The following ME3 variants were observed in gnomAD, a reference collection of about 807,000 sequenced individuals.
ME3 encodes NADP-dependent malic enzyme, mitochondrial.
In ME3, 48 loss-of-function variants were observed where a neutral mutation model predicts 68.9. That is an observed-to-expected ratio of 0.70 (90% CI 0.55 to 0.89). The LOEUF (loss-of-function observed/expected upper bound fraction) is 0.89. Ranked by LOEUF, ME3 falls within the 40% of genes least tolerant of loss-of-function variation. The pLI is 0.00. For synonymous variants in ME3, 320 were observed against 318.8 expected, an observed-to-expected ratio of 1.00 and a Z score of -0.04; for missense variants, 675 against 797.4, an observed-to-expected ratio of 0.85 and a Z score of 1.85.
intron 4 of ME3, among the ~76,000 whole-genome samples, chr11:86,538,744 T>G (rs929385643): frequency 6.6e-6 from 1 of 152,124 alleles, no homozygotes; most frequent in African/African-American, 2.4e-5. Context: ...CCTCAAAACT[T>G]GCTTTGAAAT....
At chr11:86,464,087 T>TGAAGAAGTGAGTTGTGAA (rs753421647) in intron 8 of ME3, 23 of 450,588 alleles carry the variant, frequency 5.1e-5, no homozygotes, top group Non-Finnish European at 9.3e-5. Context: ...CTGACTCACT[T>TGAAGAAGTGAGTTGTGAA]GAAGAAAAGT....
At chr11:86,557,583 G>A (rs912435377) in intron 3 of ME3, among the ~76,000 whole-genome samples, 1 of 152,162 alleles carries the variant, frequency 6.6e-6, no homozygotes, top group African/African-American at 2.4e-5. Flanking sequence ...TTTATTAGCT[G>A]TGTGAACTTG....
intron 6 of ME3, among the ~76,000 whole-genome samples, chr11:86,492,675 C>G (rs898606816): frequency 6.6e-6 from 1 of 152,212 alleles, no homozygotes; most frequent in African/African-American, 2.4e-5. Flanking sequence ...GCAGAACTTT[C>G]TCCTCTGCTG....
In ME3 at chr11:86,639,914, G is replaced by A. The variant is rs77228431; in HGVS notation, c.183+31848C>T. Among the ~76,000 whole-genome samples, 36 of 152,340 alleles carry A rather than the reference G, an allele frequency of 2.4e-4. 1 individual carries two copies. Among genetic ancestry groups the A allele is most frequent in the African/African-American group, 7.2e-4 (30 of 41,582 alleles). ...GTGGGTGATTGGGGGCAGGATGTAT[G>A]AGACAATTGAGTGAGCAGAGCTGAT... On this transcript the variant is annotated intron_variant, in intron 2 of 14. Transcript: ENST00000543262.
chr11:86,585,679 G>A lies in ME3; in HGVS notation c.184-25856C>T, dbSNP rs144865174. 1.8e-3 allele frequency among the ~76,000 whole-genome samples: 281 copies of A among 152,276 alleles called. 4 individuals are homozygous for A. The highest frequency in any genetic ancestry group is 6.6e-3 in the African/African-American group (276 of 41,554). ...TATCTATAAGTCTGGGTCTTAGAGG[G>A]TAAAGAATTAAGTTGAAAATGATGA... On this transcript the variant is annotated intron_variant, in intron 2 of 14. Coordinates refer to ENST00000543262, the Ensembl canonical transcript of ME3.
intron 2 of ME3, among the ~76,000 whole-genome samples, chr11:86,618,786 C>T (rs1262020854): frequency 7.3e-5 from 11 of 150,732 alleles, no homozygotes. Flanking sequence ...GGCGTGATCT[C>T]GGCTCACTGC....
chr11:86,580,898 A>C (rs1232472001), intron 2 of ME3, among the ~76,000 whole-genome samples: 2 of 152,230 alleles, frequency 1.3e-5, no homozygotes, highest in African/African-American at 4.8e-5. Flanking sequence ...CTACCAAAGT[A>C]GGTGTTTCCT....
chr11:86,457,626 G>T (rs1483576783), intron 8 of ME3: 95 of 1,274,996 alleles, frequency 7.5e-5, no homozygotes, highest in Non-Finnish European at 9.4e-5. Flanking sequence ...TGCACTAGGG[G>T]TTTAAAACTG....
chr11:86,487,483 T>C, intron 6 of ME3, 43 bp from the exon 7 acceptor site: 3 of 1,502,178 alleles, frequency 2.0e-6, no homozygotes, highest in Admixed American at 1.9e-5. Flanking sequence ...CTCCCGGTGT[T>C]CCTGTTTTTT....
chr11:86,598,950 T>C (rs1330024371), intron 2 of ME3, among the ~76,000 whole-genome samples: 4 of 152,232 alleles, frequency 2.6e-5, no homozygotes, highest in African/African-American at 9.6e-5. Flanking sequence ...ACCCCATCTG[T>C]ACATCACCAT....
chr11:86,536,109 T>G (rs945983852), intron 4 of ME3, among the ~76,000 whole-genome samples: 3 of 152,190 alleles, frequency 2.0e-5, no homozygotes, highest in Non-Finnish European at 4.4e-5. Context: ...CTGAATTGTC[T>G]ATTTCCTTGT....
chr11:86,437,906 A>G (rs1186339199), downstream of ME3, among the ~76,000 whole-genome samples: 1 of 151,384 alleles, frequency 6.6e-6, no homozygotes, highest in Non-Finnish European at 1.5e-5. Flanking sequence ...TGTTTTTTAC[A>G]TGCAGGATTA....
At chr11:86,609,675 C>G (rs1942418475) in intron 2 of ME3, among the ~76,000 whole-genome samples, 1 of 152,028 alleles carries the variant, frequency 6.6e-6, no homozygotes, top group South Asian at 2.1e-4. Flanking sequence ...CACTCTTAAG[C>G]CAGAAAACTT....
intron 7 of ME3, among the ~76,000 whole-genome samples, chr11:86,469,550 A>G (rs981037914): frequency 1.3e-5 from 2 of 152,176 alleles, no homozygotes; most frequent in African/African-American, 4.8e-5. Context: ...CCTGATGTCT[A>G]TCCTTCTGTC....
Position 86,446,502 on chromosome 11 carries a change from A to G in ME3, c.1381-15T>C. On this transcript the variant is annotated splice_polypyrimidine_tract_variant and intron_variant, in intron 12 of 14. Transcript: ENST00000543262. ...ATCCCTCGGCCCTGGAGGCAGGAAG[A>G]AAACCAGAGATGAACTTGGAGATTG... The G allele has an allele frequency of 1.2e-6, 2 of 1,613,788 alleles. No individual in the cohort carries two copies. The highest frequency in any genetic ancestry group is 1.7e-6 in the Non-Finnish European group (2 of 1,179,720).
chr11:86,525,022 T>C (rs926617045), intron 4 of ME3, among the ~76,000 whole-genome samples: 1 of 152,228 alleles, frequency 6.6e-6, no homozygotes, highest in African/African-American at 2.4e-5. Flanking sequence ...AAGATGTGTG[T>C]GTCTCTGGTC....
downstream of ME3, among the ~76,000 whole-genome samples, chr11:86,439,990 C>A (rs1033149115): frequency 6.6e-6 from 1 of 152,212 alleles, no homozygotes; most frequent in Middle Eastern, 3.4e-3. Context: ...TGGCTGAGCA[C>A]CAGCACCAAG....
At chr11:86,666,307 G>A (rs556154891) in intron 2 of ME3, among the ~76,000 whole-genome samples, 1 of 152,160 alleles carries the variant, frequency 6.6e-6, no homozygotes, top group Non-Finnish European at 1.5e-5. Context: ...CACAGCAGAG[G>A]TAAGACCTGT....
intron 6 of ME3, among the ~76,000 whole-genome samples, chr11:86,495,352 C>A (rs565664060): frequency 1.3e-5 from 2 of 152,176 alleles, no homozygotes; most frequent in African/African-American, 2.4e-5. Flanking sequence ...CAAGTTAGAG[C>A]CAGCTCTAAA....
Sources: allele counts gnomAD v4.1 joint callset (sites outside exome capture counted in the v4.1 genomes callset), GRCh38; gene constraint gnomAD v4.1.1; transcripts MANE v1.5; gene names NCBI Gene and HGNC (gene_info 2026-07-23, HGNC 2026-07-21).